SESN1: variants seen among roughly 807,000 people sequenced by gnomAD.
The protein encoded by SESN1 is sestrin-1.
A neutral mutation model predicts 59.3 loss-of-function variants in SESN1; 30 were observed. That is an observed-to-expected ratio of 0.51 (90% confidence interval 0.38 to 0.69). The LOEUF (loss-of-function observed/expected upper bound fraction) is 0.69, where lower values mean the gene tolerates loss of function less well. Ranked by LOEUF, SESN1 falls within the 30% of genes least tolerant of loss-of-function variation. SESN1 has a pLI of 0.00. For missense variants in SESN1, 566 were observed against 673.0 expected, an observed-to-expected ratio of 0.84 and a Z score of 1.76; for synonymous variants, 197 against 219.9, an observed-to-expected ratio of 0.90 and a Z score of 0.92.
At chr6:109,053,352 C>T (rs1013785934) in intron 1 of SESN1, among the ~76,000 whole-genome samples, 13 of 152,024 alleles carry the variant, frequency 8.6e-5, no homozygotes. Flanking sequence ...GACAACAGAG[C>T]GCTTAAGTCA....
At chr6:109,010,778 A>C (rs1344943619) in intron 1 of SESN1, among the ~76,000 whole-genome samples, 1 of 152,238 alleles carries the variant, frequency 6.6e-6, no homozygotes, top group Admixed American at 6.5e-5. Flanking sequence ...AAAAGGCTAC[A>C]GAGGCTTCCA....
In SESN1 at chr6:108,998,718, G is replaced by A. The variant is rs1397460744; in HGVS notation, c.767C>T (p.Ala256Val). Residue 256 changes from alanine (A) to valine (V), a missense_variant, in exon 5 of 10, where the codon GCG becomes GTG. By Grantham distance (64) the Ala-to-Val change is moderately conservative (BLOSUM62 0). Transcript: ENST00000436639. ...TAAAACTACTGCATGTACCAATTCCGCAAGGGACCAGCTGTGCTCTTCAGC... is the reference window on the plus strand; with the variant it reads ...TAAAACTACTGCATGTACCAATTCCACAAGGGACCAGCTGTGCTCTTCAGC... ...LKAEEHSWSL[A>V]ELVHAVVLLT... 9 of 1,613,526 alleles carry A rather than the reference G, an allele frequency of 5.6e-6. No homozygotes were observed. The highest frequency in any genetic ancestry group is 1.1e-5 in the South Asian group (1 of 91,066).
intron 1 of SESN1, among the ~76,000 whole-genome samples, chr6:109,086,465 T>C (rs1286076824): frequency 6.6e-6 from 1 of 152,248 alleles, no homozygotes; most frequent in African/African-American, 2.4e-5. Flanking sequence ...CCTATTCAAA[T>C]GGTAAAAAGA....
intron 1 of SESN1, among the ~76,000 whole-genome samples, chr6:109,064,469 CT>C (rs1249329684): frequency 6.7e-6 from 1 of 149,546 alleles, no homozygotes; most frequent in East Asian, 2.0e-4. Context: ...ACAGTATGTG[CT>C]TTAGAACAAA....
rs1220902116 is a variant in SESN1 at position 109,046,808 on chromosome 6, G to A, written c.280-44465C>T. ...TGGGAGGTGAGGAGCGTCTCTGCCC[G>A]GCCGCCCTGTCTGAGAAGTGAGGAG... On this transcript the variant is annotated intron_variant, in intron 1 of 9. Coordinates refer to ENST00000436639, the MANE Select transcript of SESN1 (RefSeq NM_014454.3). 1.3e-4 allele frequency among the ~76,000 whole-genome samples: 18 copies of A among 137,990 alleles called. 1 individual carries two copies. Among genetic ancestry groups the A allele is most frequent in the African/African-American group, 2.7e-4 (10 of 37,666 alleles). 90.5% of individuals were successfully genotyped at this position (137,990 alleles called of 152,430 possible).
intron 2 of SESN1, among the ~76,000 whole-genome samples, chr6:109,001,849 C>T (rs1023324916): frequency 3.3e-5 from 5 of 152,228 alleles, no homozygotes; most frequent in African/African-American, 1.2e-4. Context: ...TTAAGGAGAA[C>T]TAAAATTAAC....
At chr6:109,025,700 C>T (rs1780080675) in intron 1 of SESN1, among the ~76,000 whole-genome samples, 1 of 151,660 alleles carries the variant, frequency 6.6e-6, no homozygotes, top group Admixed American at 6.6e-5. Context: ...ACTTAAAATT[C>T]AATAAACAGC....
intron 1 of SESN1, among the ~76,000 whole-genome samples, chr6:109,054,904 G>A (rs888669601): frequency 1.3e-5 from 2 of 151,950 alleles, no homozygotes; most frequent in African/African-American, 4.8e-5. Context: ...TTGCTTTTAC[G>A]CTTTAAAAGA....
At chr6:108,991,751 C>T (rs920231598) in intron 7 of SESN1, among the ~76,000 whole-genome samples, 7 of 152,144 alleles carry the variant, frequency 4.6e-5, no homozygotes, top group South Asian at 2.1e-4. Context: ...TATGCCATCA[C>T]GCTGGTCAAA....
chr6:108,997,602 C>A (rs188487185), intron 5 of SESN1, among the ~76,000 whole-genome samples: 31 of 152,292 alleles, frequency 2.0e-4, no homozygotes, highest in Admixed American at 2.0e-3. Context: ...TTCATTTAAA[C>A]CTCACAATAA....
intron 1 of SESN1, among the ~76,000 whole-genome samples, chr6:109,091,323 T>C (rs1781314472): frequency 6.6e-6 from 1 of 152,150 alleles, no homozygotes; most frequent in African/African-American, 2.4e-5. Flanking sequence ...TCTAGGTTTG[T>C]GTGATTTCAC....
chr6:109,052,098 G>A (rs1780551303), intron 1 of SESN1, among the ~76,000 whole-genome samples: 1 of 152,148 alleles, frequency 6.6e-6, no homozygotes, highest in African/African-American at 2.4e-5. Context: ...TAGAAGATAA[G>A]TTTCAAACCA....
intron 1 of SESN1, among the ~76,000 whole-genome samples, chr6:109,013,097 A>AG (rs72131680): frequency 1.3e-5 from 2 of 151,430 alleles, no homozygotes; most frequent in East Asian, 1.9e-4. Flanking sequence ...GCCTGGCAAC[A>AG]GGGAAAAAAA....
chr6:109,050,470 TTAAA>T (rs890036374), intron 1 of SESN1, among the ~76,000 whole-genome samples: 87 of 152,244 alleles, frequency 5.7e-4, no homozygotes, highest in African/African-American at 2.0e-3. Context: ...TGGCAAGTCT[TTAAA>T]TATTAAAAAT....
chr6:109,066,312 CTT>C (rs766823032), intron 1 of SESN1, among the ~76,000 whole-genome samples: 22 of 134,492 alleles, frequency 1.6e-4, no homozygotes, highest in Admixed American at 2.2e-4. Context: ...TTTGCTGTTT[CTT>C]TTTTTTTTTT....
intron 1 of SESN1, among the ~76,000 whole-genome samples, chr6:109,091,420 G>A (rs1449460346): frequency 2.6e-5 from 4 of 151,986 alleles, no homozygotes; most frequent in Admixed American, 2.6e-4. Context: ...TGACAGTATC[G>A]CAGCCAGGTC....
chr6:109,072,590 TAAAC>T (rs1284603111), intron 1 of SESN1, among the ~76,000 whole-genome samples: 1 of 152,190 alleles, frequency 6.6e-6, no homozygotes, highest in African/African-American at 2.4e-5. Context: ...CTTTTTTTAA[TAAAC>T]AAAACACAGT....
At chr6:109,009,438 T>A in intron 1 of SESN1, 1 of 1,370,578 alleles carries the variant, frequency 7.3e-7, no homozygotes, top group Non-Finnish European at 9.5e-7. Flanking sequence ...GTACGCCTCG[T>A]TCGCGGCGGC....
intron 1 of SESN1, among the ~76,000 whole-genome samples, chr6:109,007,069 C>A (rs1352708423): frequency 1.3e-5 from 2 of 152,178 alleles, no homozygotes; most frequent in South Asian, 4.1e-4. Flanking sequence ...TGAGAACAAT[C>A]TTTTCCCCTC....
Sources: allele counts gnomAD v4.1 joint callset (sites outside exome capture counted in the v4.1 genomes callset), GRCh38; gene constraint gnomAD v4.1.1; transcripts MANE v1.5; gene names NCBI Gene and HGNC (gene_info 2026-07-23, HGNC 2026-07-21).